Variants in PSD3 observed in about 807,000 individuals in gnomAD.
The protein encoded by PSD3 is PH and SEC7 domain-containing protein 3.
A neutral mutation model predicts 105.5 loss-of-function variants in PSD3; 49 were observed. That is an observed-to-expected ratio of 0.46 (90% confidence interval 0.37 to 0.59). The LOEUF (loss-of-function observed/expected upper bound fraction) is 0.59. Among genes scored for constraint, PSD3 ranks in the 20% least tolerant of loss-of-function variants. The pLI, the probability that PSD3 is intolerant of heterozygous loss-of-function variation, is 0.00. For synonymous variants in PSD3, 557 were observed against 457.8 expected (o/e 1.22, Z -2.77); for missense variants, 1,561 against 1,263.8 (o/e 1.24, Z -3.57).
chr8:18,649,171 C>A (rs1156259629), intron 10 of PSD3, among the ~76,000 whole-genome samples: 1 of 152,170 alleles, frequency 6.6e-6, no homozygotes. Flanking sequence ...GAGCCCCCAG[C>A]AGTTTGCACC....
At chr8:18,611,371 T>C (rs1165360209) in intron 11 of PSD3, among the ~76,000 whole-genome samples, 3 of 152,132 alleles carry the variant, frequency 2.0e-5, no homozygotes, top group South Asian at 2.1e-4. Flanking sequence ...TTGCAAATGA[T>C]CATCATCCTT....
intron 14 of PSD3, among the ~76,000 whole-genome samples, chr8:18,558,350 T>TA (rs1391395763): frequency 3.3e-5 from 5 of 152,138 alleles, no homozygotes; most frequent in South Asian, 2.1e-4. Context: ...CCTTCTTTTC[T>TA]AAAAAAAGTT....
intron 9 of PSD3, among the ~76,000 whole-genome samples, chr8:18,674,062 C>G (rs1395252873): frequency 6.6e-6 from 1 of 152,018 alleles, no homozygotes; most frequent in Non-Finnish European, 1.5e-5. Flanking sequence ...GGGAGGATTC[C>G]TTGAGCCCAG....
intron 1 of PSD3, among the ~76,000 whole-genome samples, chr8:19,076,035 G>A (rs924340091): frequency 3.9e-5 from 6 of 152,124 alleles, no homozygotes; most frequent in African/African-American, 1.4e-4. Flanking sequence ...ATGAAAAAAA[G>A]GCAGGCGCCA....
intron 1 of PSD3, among the ~76,000 whole-genome samples, chr8:19,043,880 A>G (rs1035131815): frequency 6.6e-6 from 1 of 152,226 alleles, no homozygotes; most frequent in Admixed American, 6.5e-5. Flanking sequence ...TTGTTATAGC[A>G]GCACAAAATA....
chr8:18,723,954 G>T (rs1803170456), intron 9 of PSD3, among the ~76,000 whole-genome samples: 1 of 152,142 alleles, frequency 6.6e-6, no homozygotes, highest in South Asian at 2.1e-4. Flanking sequence ...ACCTAAGGAA[G>T]CTTCCAGTAG....
intron 4 of PSD3, among the ~76,000 whole-genome samples, chr8:18,807,195 C>G (rs1354723940): frequency 6.6e-6 from 1 of 152,186 alleles, no homozygotes; most frequent in Non-Finnish European, 1.5e-5. Flanking sequence ...TACAAGTTCC[C>G]TTTTCCCACT....
intron 1 of PSD3, among the ~76,000 whole-genome samples, chr8:18,946,868 G>A (rs1222353507): frequency 6.6e-6 from 1 of 151,162 alleles, no homozygotes; most frequent in African/African-American, 2.4e-5. Context: ...TTGTGCCACT[G>A]CACTCCAGCC....
chr8:18,879,252 T>C (rs1157184689), intron 2 of PSD3, among the ~76,000 whole-genome samples: 1 of 152,102 alleles, frequency 6.6e-6, no homozygotes, highest in African/African-American at 2.4e-5. Context: ...TTGTGATGTC[T>C]GATATAACAA....
At chr8:18,751,405 G>A (rs1339807942) in intron 9 of PSD3, among the ~76,000 whole-genome samples, 1 of 152,260 alleles carries the variant, frequency 6.6e-6, no homozygotes, top group Non-Finnish European at 1.5e-5. Context: ...GAACATGACA[G>A]AAAAAGAGAA....
At chr8:18,541,535 A>C (rs1388482167) in intron 15 of PSD3, among the ~76,000 whole-genome samples, 1 of 152,116 alleles carries the variant, frequency 6.6e-6, no homozygotes, top group Non-Finnish European at 1.5e-5. Flanking sequence ...GTCAGTATTG[A>C]AGCTCATAAG....
At chr8:18,558,450 G>T (rs905374313) in intron 14 of PSD3, among the ~76,000 whole-genome samples, 2 of 151,944 alleles carry the variant, frequency 1.3e-5, no homozygotes, top group African/African-American at 2.4e-5. Context: ...TAAATAAATG[G>T]AAACTCCCTA....
At chr8:18,764,044 A>C (rs938617148) in intron 9 of PSD3, among the ~76,000 whole-genome samples, 7 of 152,158 alleles carry the variant, frequency 4.6e-5, no homozygotes, top group Non-Finnish European at 1.0e-4. Context: ...TATTAACCAT[A>C]CACGGTTTCA....
intron 2 of PSD3, among the ~76,000 whole-genome samples, chr8:18,914,499 T>C (rs186881754): frequency 6.6e-6 from 1 of 152,216 alleles, no homozygotes. Context: ...ATGTTAAAAC[T>C]AATAAATTCA....
chr8:19,033,884 C>T (rs901712117), intron 1 of PSD3, among the ~76,000 whole-genome samples: 4 of 152,070 alleles, frequency 2.6e-5, no homozygotes, highest in African/African-American at 9.7e-5. Flanking sequence ...AAGAAAGATA[C>T]ATGAGAAGGA....
rs1026805823 is a variant in PSD3, at chr8:18,770,861, C to G, written c.2083-5323G>C. Among the ~76,000 whole-genome samples the G allele has an allele frequency of 3.3e-5, 5 of 152,154 alleles. No homozygotes were observed. The East Asian group carries it at 9.6e-4, about 29-fold the overall frequency. The stretch of plus-strand genomic sequence containing the variant: ...CAACCACACTTGGGGCACCTGAGCT[C>G]TTTACCAGCATCCAGGAGAAAAGAG... On this transcript the variant is annotated intron_variant, in intron 8 of 15. Coordinates refer to ENST00000327040, the MANE Select transcript of PSD3 (RefSeq NM_015310.4).
rs200902388 is a variant in PSD3, at chr8:18,872,120, A to C, written c.744T>G (p.Cys248Trp). The C allele has an allele frequency of 6.2e-7, 1 of 1,614,140 alleles. No individual in the cohort carries two copies. The highest frequency in any genetic ancestry group is 1.3e-5 in the African/African-American group (1 of 75,046). Reference protein sequence around the residue: ...KGAVCVQEPSCPLASLGSSAV... With the variant: ...KGAVCVQEPSWPLASLGSSAV... ...CTGAGCTCCCGAGGGAGGCCAAAGG[A>C]CAAGATGGCTCCTGCACACAGACAG... The change falls in exon 3 of 16, where the codon TGT becomes TGG. Residue 248 changes from cysteine to tryptophan, a missense_variant. Physicochemically the swap from Cys to Trp is radical, Grantham distance 215 (BLOSUM62 -2). Transcript: ENST00000327040.
upstream of PSD3, among the ~76,000 whole-genome samples, chr8:19,015,177 A>C (rs1827137836): frequency 6.6e-6 from 1 of 152,044 alleles, no homozygotes; most frequent in African/African-American, 2.4e-5. Context: ...AATGAGTCTC[A>C]CGAGATCTGA....
chr8:18,636,427 A>G (rs1378806116), intron 10 of PSD3, among the ~76,000 whole-genome samples: 4 of 152,220 alleles, frequency 2.6e-5, no homozygotes, highest in African/African-American at 9.6e-5. Flanking sequence ...CGAGTTTATG[A>G]AGTAAAAAAG....
Sources: gnomAD v4.1 joint callset for allele counts (sites outside exome capture counted in the v4.1 genomes callset) on GRCh38, gnomAD v4.1.1 for gene constraint, MANE v1.5 for transcripts, NCBI Gene and HGNC (gene_info 2026-07-23, HGNC 2026-07-21) for gene names.